MCHR2: variants seen among roughly 807,000 people sequenced by gnomAD.
The protein encoded by MCHR2 is melanin concentrating hormone receptor 2.
A neutral mutation model predicts 24.8 loss-of-function variants in MCHR2; 15 were observed. That is an observed-to-expected ratio of 0.60 (90% CI 0.40 to 0.93). The LOEUF (loss-of-function observed/expected upper bound fraction) is 0.93. Ranked by LOEUF, MCHR2 falls within the 40% of genes least tolerant of loss-of-function variation. MCHR2 has a pLI of 0.00. For synonymous variants in MCHR2, 151 were observed against 147.6 expected (o/e 1.02, Z -0.17); for missense variants, 386 against 408.7 (o/e 0.94, Z 0.48).
chr6:99,934,627 G>A (rs1774619478), intron 4 of MCHR2, 110 bp from the exon 5 acceptor site: 1 of 1,024,500 alleles, frequency 9.8e-7, no homozygotes, highest in Non-Finnish European at 1.3e-6. Context: ...CATTTTTCAG[G>A]GTCCAGGATG....
chr6:99,930,050 T>C (rs1342010292), intron 5 of MCHR2, among the ~76,000 whole-genome samples: 2 of 151,102 alleles, frequency 1.3e-5, no homozygotes, highest in Non-Finnish European at 2.9e-5. Context: ...ACAAAATCTC[T>C]CAGCATTTGC....
intron 1 of MCHR2, among the ~76,000 whole-genome samples, chr6:99,967,331 A>G (rs55661874): frequency 3.9e-4 from 59 of 152,274 alleles, no homozygotes; most frequent in Non-Finnish European, 7.4e-4. Context: ...CATTTAAAGA[A>G]CATTAGGCTT....
In MCHR2 at chr6:99,919,734, G is replaced by T. The variant is rs570173532; in HGVS notation, c.*1206C>A. On this transcript the variant is annotated 3_prime_UTR_variant, in exon 6 of 6. Coordinates refer to ENST00000281806, the MANE Select transcript of MCHR2 (RefSeq NM_001040179.2). The stretch of plus-strand genomic sequence containing the variant: ...TCTTGTTTTTTTTTTTGTTTGTTTT[G>T]TTTTTTTTTTTGAGATGACGTCTCA... Among the ~76,000 whole-genome samples the T allele has an allele frequency of 5.5e-4, 77 of 140,786 alleles. 1 individual carries two copies. The South Asian group carries it at 0.01, about 19-fold the overall frequency. 92.4% of individuals were successfully genotyped at this position (140,786 alleles called of 152,430 possible).
At chr6:99,976,304 G>C (rs1775550589) in intron 1 of MCHR2, among the ~76,000 whole-genome samples, 1 of 152,098 alleles carries the variant, frequency 6.6e-6, no homozygotes, top group African/African-American at 2.4e-5. Context: ...AGAATCTATA[G>C]CCTTAGGAAA....
chr6:99,930,144 T>C (rs546884802), intron 5 of MCHR2, among the ~76,000 whole-genome samples: 43 of 151,932 alleles, frequency 2.8e-4, no homozygotes, highest in Admixed American at 5.9e-4. Context: ...AATTCTTTTC[T>C]TTAAGAATGT....
At chr6:99,929,931 C>T (rs1431980601) in intron 5 of MCHR2, among the ~76,000 whole-genome samples, 1 of 150,372 alleles carries the variant, frequency 6.7e-6, no homozygotes, top group East Asian at 1.9e-4. Context: ...TTCTTCCTAG[C>T]CTCGACGGTC....
At chr6:99,974,973 G>C (rs1017618314) in intron 1 of MCHR2, among the ~76,000 whole-genome samples, 1 of 152,220 alleles carries the variant, frequency 6.6e-6, no homozygotes, top group Non-Finnish European at 1.5e-5. Flanking sequence ...TGAGGTGTCA[G>C]TCTGCCCCTA....
chr6:99,989,243 C>A (rs1410155487), intron 1 of MCHR2, among the ~76,000 whole-genome samples: 3 of 151,948 alleles, frequency 2.0e-5, no homozygotes, highest in African/African-American at 7.3e-5. Context: ...CAGAGCATGA[C>A]CCTGTATCAA....
chr6:99,934,534 AGAAG>A lies in MCHR2; in HGVS notation c.588-21_588-18del. On this transcript the variant is annotated intron_variant, in intron 4 of 5. Transcript: ENST00000281806. ...AGTGTATACCTGTAAAATGAGAGAG[AGAAG>A]AGAGAGAGAGAAAGAACAACACCAT... 6.5e-7 allele frequency: 1 copy of A among 1,550,014 alleles called. No homozygotes were observed. The highest frequency in any genetic ancestry group is 8.7e-7 in the Non-Finnish European group (1 of 1,154,944).
chr6:99,924,791 T>C (rs1297092717), intron 5 of MCHR2, among the ~76,000 whole-genome samples: 1 of 152,116 alleles, frequency 6.6e-6, no homozygotes, highest in South Asian at 2.1e-4. Context: ...ATTATTTGAA[T>C]TTTTAAAGAC....
chr6:99,931,763 G>C (rs1364521394), intron 5 of MCHR2, among the ~76,000 whole-genome samples: 1 of 152,170 alleles, frequency 6.6e-6, no homozygotes, highest in Non-Finnish European at 1.5e-5. Context: ...GACTAGGAAA[G>C]GGAACTCCCT....
At chr6:99,991,768 C>G (rs1206359805) in intron 1 of MCHR2, among the ~76,000 whole-genome samples, 1 of 128,294 alleles carries the variant, frequency 7.8e-6, no homozygotes, top group Non-Finnish European at 1.6e-5. Flanking sequence ...GACCGCGCGA[C>G]ACTGCACTCC....
chr6:99,939,309 A>G (rs1336331913), intron 4 of MCHR2, among the ~76,000 whole-genome samples: 1 of 152,072 alleles, frequency 6.6e-6, no homozygotes, highest in Non-Finnish European at 1.5e-5. Context: ...CTCTGGCGGA[A>G]TGTCTTAGTT....
At chr6:99,976,863 A>G (rs1420186667) in intron 1 of MCHR2, among the ~76,000 whole-genome samples, 3 of 152,210 alleles carry the variant, frequency 2.0e-5, no homozygotes, top group Non-Finnish European at 4.4e-5. Context: ...AGAAATTGAC[A>G]TCCTTTTTTG....
At chr6:99,955,335 A>T (rs1326967053) in intron 2 of MCHR2, among the ~76,000 whole-genome samples, 1 of 152,124 alleles carries the variant, frequency 6.6e-6, no homozygotes, top group Non-Finnish European at 1.5e-5. Flanking sequence ...GGAGGAAATT[A>T]CCTGAATTAG....
At chr6:99,925,745 T>A (rs566249185) in intron 5 of MCHR2, among the ~76,000 whole-genome samples, 1 of 152,060 alleles carries the variant, frequency 6.6e-6, no homozygotes, top group Non-Finnish European at 1.5e-5. Context: ...TCAGTGTATA[T>A]CTTATTGTAT....
At chr6:99,928,694 C>A (rs2114493806) in intron 5 of MCHR2, among the ~76,000 whole-genome samples, 1 of 152,276 alleles carries the variant, frequency 6.6e-6, no homozygotes, top group South Asian at 2.1e-4. Flanking sequence ...TCCCCTTTAT[C>A]ACTTTTTATT....
chr6:99,928,565 G>T (rs1260985657), intron 5 of MCHR2, among the ~76,000 whole-genome samples: 3 of 152,112 alleles, frequency 2.0e-5, no homozygotes, highest in Non-Finnish European at 1.5e-5. Context: ...TTTAGTCTTG[G>T]GAGGGTGTAT....
intron 1 of MCHR2, among the ~76,000 whole-genome samples, chr6:99,984,190 G>A (rs1775725822): frequency 6.6e-6 from 1 of 151,718 alleles, no homozygotes; most frequent in Admixed American, 6.6e-5. Flanking sequence ...ATACATGAAA[G>A]AGAAACATTT....
Sources: gnomAD v4.1 joint callset for allele counts (sites outside exome capture counted in the v4.1 genomes callset) on GRCh38, gnomAD v4.1.1 for gene constraint, MANE v1.5 for transcripts, NCBI Gene and HGNC (gene_info 2026-07-23, HGNC 2026-07-21) for gene names.